The following FRMPD4 variants were observed in gnomAD, a reference collection of about 807,000 sequenced individuals.
FRMPD4 encodes the protein FERM and PDZ domain-containing protein 4.
A neutral mutation model predicts 94.1 loss-of-function variants in FRMPD4; 22 were observed. The observed-to-expected ratio is 0.23, with a 90% CI of 0.17 to 0.33. FRMPD4 has a LOEUF of 0.33. Among genes scored for constraint, FRMPD4 ranks in the 10% least tolerant of loss-of-function variants. FRMPD4 has a pLI of 1.00. For missense variants in FRMPD4, 1,111 were observed against 1,339.9 expected, an observed-to-expected ratio of 0.83 and a Z score of 2.67; for synonymous variants, 631 against 548.6, an observed-to-expected ratio of 1.15 and a Z score of -2.10.
chrX:12,134,165 C>A, upstream of FRMPD4, among the ~76,000 whole-genome samples: 1 of 112,274 alleles, frequency 8.9e-6, no homozygotes, highest in Middle Eastern at 4.6e-3. Context: ...GTTTAAATGT[C>A]ACCTCCTTAT....
At chrX:12,089,470 A>G (rs1240747986) in intron 3 of FRMPD4, among the ~76,000 whole-genome samples, 1 of 112,195 alleles carries the variant, frequency 8.9e-6, no homozygotes, top group Non-Finnish European at 1.9e-5. Flanking sequence ...TCTTTGCTCT[A>G]CATCTTTTTC....
intron 1 of FRMPD4, among the ~76,000 whole-genome samples, chrX:12,440,890 C>A (rs2057128463): frequency 9.0e-6 from 1 of 111,419 alleles, no homozygotes; most frequent in African/African-American, 3.3e-5. Flanking sequence ...TAGTGAAGGG[C>A]CCTACTCCCC....
chrX:12,717,808 C>T lies in FRMPD4; in HGVS notation c.2982C>T (p.His994=). The change falls in exon 16 of 17, where the codon CAC becomes CAT. Residue 994 remains histidine, a synonymous_variant. Transcript: ENST00000675598. The part of the protein sequence containing the change: ...VPSKQLLHSD[H]MEMEPETMET... Reference sequence around the variant, plus strand: ...CCAAGCAGTTACTTCACTCAGACCACATGGAGATGGAGCCTGAAACTATGG... The same window carrying T: ...CCAAGCAGTTACTTCACTCAGACCATATGGAGATGGAGCCTGAAACTATGG... 8.3e-7 allele frequency: 1 copy of T among 1,209,993 alleles called. No individual in the cohort carries two copies. The highest frequency in any genetic ancestry group is 3.0e-5 in the East Asian group (1 of 33,786).
At chrX:12,454,472 A>G (rs1023883040) in intron 1 of FRMPD4, among the ~76,000 whole-genome samples, 1 of 111,805 alleles carries the variant, frequency 8.9e-6, no homozygotes, top group Non-Finnish European at 1.9e-5. Flanking sequence ...CAATGCAATT[A>G]AGAATAACCA....
At position 12,275,099 on chromosome X, in the gene FRMPD4, G is replaced by T. The variant is rs116130634; in HGVS notation, c.41+136087G>T. ...TTTGTCCCCACCCAAATTTCATGTT[G>T]AATTGCAATCCCTAATGCTGGAGGT... On this transcript the variant is annotated intron_variant, in intron 1 of 16. Transcript: ENST00000675598. 5.4e-3 allele frequency among the ~76,000 whole-genome samples: 604 copies of T among 112,281 alleles called. 4 individuals are homozygous for T. Among genetic ancestry groups the T allele is most frequent in the African/African-American group, 0.018 (563 of 30,939 alleles).
chrX:12,184,673 A>C (rs980601367), intron 1 of FRMPD4, among the ~76,000 whole-genome samples: 6 of 112,269 alleles, frequency 5.3e-5, no homozygotes, highest in Non-Finnish European at 1.1e-4. Flanking sequence ...TGTCATTTGC[A>C]AAAACATGGA....
chrX:12,392,577 C>T (rs1485603067), intron 1 of FRMPD4, among the ~76,000 whole-genome samples: 1 of 109,995 alleles, frequency 9.1e-6, no homozygotes, highest in Non-Finnish European at 1.9e-5. Flanking sequence ...CACTTGAACT[C>T]AGGAGGAAGA....
chrX:12,256,206 A>G (rs1445059494), intron 1 of FRMPD4, among the ~76,000 whole-genome samples: 3 of 111,712 alleles, frequency 2.7e-5, no homozygotes, highest in African/African-American at 9.7e-5. Flanking sequence ...GCCCCTGACA[A>G]GTTCCATTGG....
intron 8 of FRMPD4, among the ~76,000 whole-genome samples, chrX:12,692,115 C>A (rs2060086011): frequency 1.8e-5 from 2 of 112,462 alleles, no homozygotes; most frequent in Non-Finnish European, 3.8e-5. Flanking sequence ...AAGCTTCATG[C>A]TGATTTAGTT....
chrX:12,610,485 C>T (rs1001993014), intron 3 of FRMPD4, among the ~76,000 whole-genome samples: 1 of 112,704 alleles, frequency 8.9e-6, no homozygotes, highest in East Asian at 2.8e-4. Flanking sequence ...CAGTGGCTCA[C>T]GCCATAATCC....
At chrX:12,250,205 A>C (rs989310882) in intron 1 of FRMPD4, among the ~76,000 whole-genome samples, 1 of 109,668 alleles carries the variant, frequency 9.1e-6, no homozygotes, top group African/African-American at 3.3e-5. Flanking sequence ...AGGGAAGTTT[A>C]CTTAGTGACT....
intron 1 of FRMPD4, among the ~76,000 whole-genome samples, chrX:12,331,397 T>C (rs1488550736): frequency 9.5e-6 from 1 of 105,071 alleles, no homozygotes; most frequent in Non-Finnish European, 1.9e-5. Context: ...ATATTTGTTC[T>C]AGGTGGAAAG....
intron 1 of FRMPD4, among the ~76,000 whole-genome samples, chrX:12,250,752 G>T (rs964629938): frequency 8.9e-6 from 1 of 111,783 alleles, no homozygotes; most frequent in Non-Finnish European, 1.9e-5. Flanking sequence ...TTGCAGATCA[G>T]GAATCCAGGA....
At chrX:12,131,202 C>T (rs2055550154) in intron 3 of FRMPD4, among the ~76,000 whole-genome samples, 1 of 111,996 alleles carries the variant, frequency 8.9e-6, no homozygotes, top group Non-Finnish European at 1.9e-5. Context: ...GGTTCTTAAC[C>T]TTGAATAAAG....
At chrX:12,567,162 A>G (rs763282120) in intron 2 of FRMPD4, among the ~76,000 whole-genome samples, 58 of 111,426 alleles carry the variant, frequency 5.2e-4, no homozygotes, top group Non-Finnish European at 8.5e-4. Context: ...GGTGATTTTC[A>G]TTGTCTAAAT....
At chrX:12,010,742 A>T (rs1359024438) in intron 3 of FRMPD4, among the ~76,000 whole-genome samples, 1 of 112,709 alleles carries the variant, frequency 8.9e-6, no homozygotes, top group Non-Finnish European at 1.9e-5. Context: ...TGAGATCAGA[A>T]TACTCAATAT....
At chrX:11,847,978 C>G (rs1220335880) in intron 1 of FRMPD4, among the ~76,000 whole-genome samples, 3 of 104,063 alleles carry the variant, frequency 2.9e-5, no homozygotes, top group Non-Finnish European at 5.9e-5. Context: ...CACATGTAGA[C>G]ATATGTAACT....
intron 3 of FRMPD4, among the ~76,000 whole-genome samples, chrX:11,919,909 T>A (rs1344639949): frequency 8.9e-6 from 1 of 112,469 alleles, no homozygotes; most frequent in Non-Finnish European, 1.9e-5. Flanking sequence ...CAGCAAAGAA[T>A]TACTGCAGGA....
At chrX:12,214,992 T>C (rs935992617) in intron 1 of FRMPD4, among the ~76,000 whole-genome samples, 3 of 111,627 alleles carry the variant, frequency 2.7e-5, no homozygotes, top group Non-Finnish European at 5.6e-5. Flanking sequence ...CCTTCTGATA[T>C]ATATGCATAT....
Sources: allele counts gnomAD v4.1 joint callset (sites outside exome capture counted in the v4.1 genomes callset), GRCh38; gene constraint gnomAD v4.1.1; transcripts MANE v1.5; gene names NCBI Gene and HGNC (gene_info 2026-07-23, HGNC 2026-07-21).